The following MEMO1 variants were observed in gnomAD, a reference collection of about 807,000 sequenced individuals.
MEMO1 encodes the protein mediator of cell motility 1.
Under a neutral mutation model 45.2 loss-of-function variants are expected in MEMO1, and 6 were observed. The ratio of observed to expected loss-of-function variants is 0.13; its 90% confidence interval spans 0.07 to 0.26. The LOEUF (loss-of-function observed/expected upper bound fraction) is 0.26. Ranked by LOEUF, MEMO1 falls within the 10% of genes least tolerant of loss-of-function variation. The probability of loss-of-function intolerance (pLI) is 1.00; values close to 1 mark genes in which losing one functional copy is unlikely to be tolerated. For missense variants in MEMO1, 184 were observed against 370.5 expected (o/e 0.50, Z 4.13); for synonymous variants, 78 against 124.3 (o/e 0.63, Z 2.48).
At chr2:31,895,550 G>A (rs548337570) in intron 6 of MEMO1, among the ~76,000 whole-genome samples, 1 of 152,310 alleles carries the variant, frequency 6.6e-6, no homozygotes, top group South Asian at 2.1e-4. Context: ...AACAGTCTGT[G>A]AAATTACAGA....
chr2:32,010,327 G>A (rs1406003648), intron 1 of MEMO1, 63 bp from the exon 2 acceptor site: 33 of 854,778 alleles, frequency 3.9e-5, no homozygotes, highest in Non-Finnish European at 5.4e-5. Context: ...CTCCGCGAGG[G>A]GACGAGACAC....
At chr2:31,991,571 C>CA (rs11317637) in intron 2 of MEMO1, among the ~76,000 whole-genome samples, 10 of 110,232 alleles carry the variant, frequency 9.1e-5, no homozygotes, top group African/African-American at 3.0e-4. Context: ...AACTCCGACT[C>CA]AAAAAAAAAA....
chr2:32,010,031 C>G (rs1674646254), intron 2 of MEMO1, among the ~76,000 whole-genome samples, 156 bp downstream of exon 2: 1 of 147,878 alleles, frequency 6.8e-6, no homozygotes, highest in South Asian at 2.1e-4. Flanking sequence ...AGGCCGGCCT[C>G]GGCTCGCTCC....
rs976260512 is a variant in MEMO1 at position 31,919,335 on chromosome 2, T to G, written c.326-1298A>C. 2.0e-5 allele frequency among the ~76,000 whole-genome samples: 3 copies of G among 151,986 alleles called. No individual in the cohort carries two copies. The East Asian group carries it at 5.8e-4, about 29-fold the overall frequency. On this transcript the variant is annotated intron_variant, in intron 5 of 9. Transcript: ENST00000404530. Reference sequence around the variant, plus strand: ...CCCAGCAGATTTTTGTATTTTTTTGTACAGATGGGGTTTTGCCACATTGCT... The same window carrying G: ...CCCAGCAGATTTTTGTATTTTTTTGGACAGATGGGGTTTTGCCACATTGCT...
At chr2:31,950,658 T>G (rs1174987090) in intron 2 of MEMO1, among the ~76,000 whole-genome samples, 1 of 149,818 alleles carries the variant, frequency 6.7e-6, no homozygotes, top group Non-Finnish European at 1.5e-5. Flanking sequence ...GAAGCGGAGG[T>G]TGCAGTGAGC....
chr2:31,964,769 CAGGA>C (rs1287865465), intron 2 of MEMO1, among the ~76,000 whole-genome samples: 1 of 151,896 alleles, frequency 6.6e-6, no homozygotes, highest in Non-Finnish European at 1.5e-5. Flanking sequence ...ACTGAGTAGA[CAGGA>C]AGGAACTGTT....
chr2:31,893,574 T>C (rs550283882), intron 6 of MEMO1, among the ~76,000 whole-genome samples: 37 of 152,276 alleles, frequency 2.4e-4, no homozygotes, highest in Middle Eastern at 3.4e-3. Context: ...ATACAGAGTA[T>C]AAAGAACAAG....
intron 2 of MEMO1, among the ~76,000 whole-genome samples, chr2:31,993,165 C>A (rs1023828210): frequency 6.6e-6 from 1 of 151,946 alleles, no homozygotes; most frequent in African/African-American, 2.4e-5. Context: ...ACAGTAAGAC[C>A]CTGTCTCAAA....
intron 2 of MEMO1, among the ~76,000 whole-genome samples, chr2:31,965,295 G>GGGAAGGAGGGAAGGAGGGAC (rs1668484364): frequency 1.9e-5 from 2 of 105,198 alleles, no homozygotes; most frequent in South Asian, 7.5e-4. Flanking sequence ...AAGGGAAGAA[G>GGGAAGGAGGGAAGGAGGGAC]GGAAGGAGGG....
chr2:31,936,244 G>T (rs1243056621), intron 3 of MEMO1, among the ~76,000 whole-genome samples: 2 of 152,158 alleles, frequency 1.3e-5, no homozygotes, highest in Non-Finnish European at 2.9e-5. Context: ...TTACAGGCAT[G>T]AGCCACCGCG....
At chr2:31,955,887 C>A (rs1467029427) in intron 2 of MEMO1, among the ~76,000 whole-genome samples, 2 of 152,164 alleles carry the variant, frequency 1.3e-5, no homozygotes, top group Non-Finnish European at 2.9e-5. Flanking sequence ...GTAGTACAGG[C>A]GTGAGCCACC....
intron 2 of MEMO1, among the ~76,000 whole-genome samples, chr2:32,000,981 T>C (rs367702235): frequency 1.3e-5 from 2 of 152,062 alleles, no homozygotes; most frequent in African/African-American, 2.4e-5. Context: ...TCGTTCAATA[T>C]TGAATTGCTG....
rs72796823 is a variant in MEMO1 at position 31,925,753 on chromosome 2, G to A, written c.213-4843C>T. On this transcript the variant is annotated intron_variant, in intron 4 of 9. Coordinates refer to ENST00000404530, the MANE Select transcript of MEMO1 (RefSeq NM_001301833.4). Reference sequence around the variant, plus strand: ...CTGGCCCATTAGAACAAAGATCAAAGCAGTATCATCAACATGCACTAGCAG... The same window carrying A: ...CTGGCCCATTAGAACAAAGATCAAAACAGTATCATCAACATGCACTAGCAG... Among the ~76,000 whole-genome samples, 1,229 of 152,266 alleles carry A rather than the reference G, an allele frequency of 8.1e-3. 12 individuals are homozygous for A. Among genetic ancestry groups the A allele is most frequent in the Non-Finnish European group, 0.015 (1,020 of 68,010 alleles).
chr2:31,992,100 C>A (rs2148550409), intron 2 of MEMO1, among the ~76,000 whole-genome samples: 1 of 152,256 alleles, frequency 6.6e-6, no homozygotes, highest in Non-Finnish European at 1.5e-5. Flanking sequence ...ATTTCTGTCA[C>A]TTTTCCTAAT....
At chr2:31,948,884 A>G (rs1666483858) in intron 2 of MEMO1, among the ~76,000 whole-genome samples, 1 of 152,246 alleles carries the variant, frequency 6.6e-6, no homozygotes, top group Non-Finnish European at 1.5e-5. Context: ...ATCAATAACC[A>G]GAATACACAA....
chr2:31,877,742 TTAAA>T (rs1402155049), intron 8 of MEMO1, among the ~76,000 whole-genome samples: 1 of 152,160 alleles, frequency 6.6e-6, no homozygotes, highest in Admixed American at 6.5e-5. Context: ...TCATAAATAT[TTAAA>T]TACTTCATTG....
chr2:31,923,823 G>A, intron 4 of MEMO1: 1 of 1,397,856 alleles, frequency 7.2e-7, no homozygotes, highest in South Asian at 1.6e-5. Flanking sequence ...AGTGTAATAA[G>A]GTTCTAACAA....
At chr2:31,922,053 T>C (rs1013808921) in intron 4 of MEMO1, among the ~76,000 whole-genome samples, 1 of 152,010 alleles carries the variant, frequency 6.6e-6, no homozygotes, top group Middle Eastern at 3.2e-3. Context: ...CCTTCCCACA[T>C]CACATACAAA....
intron 2 of MEMO1, among the ~76,000 whole-genome samples, chr2:31,999,683 C>A (rs528055827): frequency 6.6e-6 from 1 of 152,174 alleles, no homozygotes; most frequent in Non-Finnish European, 1.5e-5. Flanking sequence ...AAGTCTCCAG[C>A]CACCTCTTAA....
Sources: gnomAD v4.1 joint callset for allele counts (sites outside exome capture counted in the v4.1 genomes callset) on GRCh38, gnomAD v4.1.1 for gene constraint, MANE v1.5 for transcripts, NCBI Gene and HGNC (gene_info 2026-07-23, HGNC 2026-07-21) for gene names.